Variants in ZNF385B observed in about 807,000 individuals in gnomAD.
ZNF385B encodes zinc finger protein 533.
ZNF385B carries 23 observed loss-of-function variants against 39.2 expected under a neutral mutation model. That is an observed-to-expected ratio of 0.59 (90% CI 0.42 to 0.83). The LOEUF is 0.83. Among genes scored for constraint, ZNF385B ranks in the 40% least tolerant of loss-of-function variants. ZNF385B has a pLI of 0.00. For missense variants in ZNF385B, 552 were observed against 598.9 expected, an observed-to-expected ratio of 0.92 and a Z score of 0.82; for synonymous variants, 205 against 222.6, an observed-to-expected ratio of 0.92 and a Z score of 0.70.
chr2:179,807,893 T>TGAAAGAAAGAAAGAAA (rs139866166), intron 1 of ZNF385B, among the ~76,000 whole-genome samples: 6,782 of 123,484 alleles, frequency 0.055, 248 homozygotes, highest in Admixed American at 0.074. Context: ...AGACTCCGTC[T>TGAAAGAAAGAAAGAAA]GAAAGAAAGA....
intron 4 of ZNF385B, among the ~76,000 whole-genome samples, chr2:179,540,547 C>T (rs74712075): frequency 6.6e-6 from 1 of 152,232 alleles, no homozygotes; most frequent in East Asian, 1.9e-4. Context: ...AACACTTGGG[C>T]TTATCGCCTG....
At chr2:179,808,177 C>T (rs887092003) in intron 1 of ZNF385B, among the ~76,000 whole-genome samples, 5 of 151,842 alleles carry the variant, frequency 3.3e-5, no homozygotes, top group Non-Finnish European at 7.4e-5. Context: ...GGACTACAGG[C>T]GCACGCCGCC....
intron 3 of ZNF385B, among the ~76,000 whole-genome samples, chr2:179,689,192 C>A (rs977839662): frequency 6.6e-6 from 1 of 152,168 alleles, no homozygotes; most frequent in African/African-American, 2.4e-5. Context: ...GAGGGAAACA[C>A]CTTTAGGACT....
chr2:179,533,672 T>C lies in ZNF385B; in HGVS notation c.441+11155A>G, dbSNP rs564596043. ...TAAGAGTCAAAGTTCAAGGGATTTT[T>C]GGAATAAATTTCTATTATCAATACA... On this transcript the variant is annotated intron_variant, in intron 4 of 9. Transcript: ENST00000410066. Among the ~76,000 whole-genome samples, 46 of 152,254 alleles carry C rather than the reference T, an allele frequency of 3.0e-4. No homozygotes were observed. In the South Asian group the frequency reaches 4.4e-3, roughly 14 times the overall value.
Position 179,446,737 on chromosome 2 carries a change from C to T in ZNF385B, c.749G>A (p.Ser250Asn), listed in dbSNP as rs757181258. 5 of 1,613,306 alleles carry T rather than the reference C, an allele frequency of 3.1e-6. No individual in the cohort carries two copies. In the East Asian group the frequency reaches 1.1e-4, roughly 36 times the overall value. Reference sequence around the variant, plus strand: ...GCCACTTTCAGAGCTTGATGGCTGACTGGAACTGCTGGCTTTTAACTTCCC... The same window carrying T: ...GCCACTTTCAGAGCTTGATGGCTGATTGGAACTGCTGGCTTTTAACTTCCC... Reference protein sequence around the residue: ...DKGKLKASSSSQPSSSESGSF... With the variant: ...DKGKLKASSSNQPSSSESGSF... The change falls in exon 7 of 10, where the codon AGT (serine) becomes AAT (asparagine). Residue 250 changes from serine to asparagine, a missense_variant. By Grantham distance (46) the Ser-to-Asn change is conservative. Transcript: ENST00000410066.
At chr2:179,598,844 C>T (rs552131739) in intron 3 of ZNF385B, among the ~76,000 whole-genome samples, 6 of 152,174 alleles carry the variant, frequency 3.9e-5, no homozygotes, top group African/African-American at 1.2e-4. Flanking sequence ...AAAGAATTTA[C>T]TAATTCTTAT....
At chr2:179,829,395 C>T (rs111324684) in intron 1 of ZNF385B, among the ~76,000 whole-genome samples, 7 of 152,294 alleles carry the variant, frequency 4.6e-5, no homozygotes, top group Non-Finnish European at 5.9e-5. Flanking sequence ...ATTGACCTTA[C>T]ACCTTTAACA....
intron 3 of ZNF385B, among the ~76,000 whole-genome samples, chr2:179,607,265 T>C (rs528224535): frequency 3.9e-5 from 6 of 152,216 alleles, no homozygotes; most frequent in Admixed American, 1.3e-4. Context: ...CTATCTTGAA[T>C]TGTAATCCCC....
intron 3 of ZNF385B, among the ~76,000 whole-genome samples, chr2:179,768,395 C>T (rs954273467): frequency 3.3e-5 from 5 of 152,150 alleles, no homozygotes; most frequent in Admixed American, 2.6e-4. Flanking sequence ...CTTTCTTTCA[C>T]AGCATGTTAA....
At chr2:179,764,166 G>A (rs189890255) in intron 3 of ZNF385B, among the ~76,000 whole-genome samples, 234 of 152,124 alleles carry the variant, frequency 1.5e-3, no homozygotes, top group Middle Eastern at 3.4e-3. Flanking sequence ...AGGATCATTA[G>A]GTCTTCCTGG....
At chr2:179,629,512 TTTTGGGG>T (rs1403989657) in intron 3 of ZNF385B, among the ~76,000 whole-genome samples, 3 of 152,180 alleles carry the variant, frequency 2.0e-5, no homozygotes, top group Non-Finnish European at 4.4e-5. Context: ...TCTAAACAAT[TTTTGGGG>T]TACCCTCTTT....
At chr2:179,449,589 A>G (rs1369751869) in intron 6 of ZNF385B, among the ~76,000 whole-genome samples, 3 of 152,192 alleles carry the variant, frequency 2.0e-5, no homozygotes, top group African/African-American at 2.4e-5. Flanking sequence ...CCACTGCTCA[A>G]TGAAATAAAA....
intron 5 of ZNF385B, among the ~76,000 whole-genome samples, chr2:179,493,847 G>A (rs75133963): frequency 0.12 from 15,951 of 130,098 alleles, 1,085 homozygotes; most frequent in Non-Finnish European, 0.17. Flanking sequence ...CATTCTAAAA[G>A]GAGGAATGTA....
At chr2:179,572,147 G>A (rs866808130) in intron 3 of ZNF385B, among the ~76,000 whole-genome samples, 4 of 152,062 alleles carry the variant, frequency 2.6e-5, no homozygotes, top group African/African-American at 7.2e-5. Context: ...GTGCTTCCAT[G>A]TTCTGGCAGA....
chr2:179,753,980 G>T (rs1702850203), intron 3 of ZNF385B, among the ~76,000 whole-genome samples: 1 of 152,176 alleles, frequency 6.6e-6, no homozygotes, highest in Non-Finnish European at 1.5e-5. Flanking sequence ...TTGAATAGGA[G>T]TGGTGAGAGA....
At chr2:179,669,916 T>C (rs3112935) in intron 3 of ZNF385B, among the ~76,000 whole-genome samples, 62,276 of 151,874 alleles carry the variant, frequency 0.41, 13,311 homozygotes, top group African/African-American at 0.53. Context: ...AAAGAAGAGA[T>C]AATGGTGGTG....
chr2:179,676,254 A>G (rs1389446245), intron 3 of ZNF385B, among the ~76,000 whole-genome samples: 1 of 151,698 alleles, frequency 6.6e-6, no homozygotes, highest in Admixed American at 6.6e-5. Flanking sequence ...ACACCCGGCT[A>G]ATTTTTTGTA....
chr2:179,592,682 T>C (rs985511488), intron 3 of ZNF385B, among the ~76,000 whole-genome samples: 3 of 152,186 alleles, frequency 2.0e-5, no homozygotes, highest in African/African-American at 7.2e-5. Flanking sequence ...TATTGTTTCA[T>C]GGTCCATATG....
chr2:179,841,804 T>G (rs987266736), intron 1 of ZNF385B, among the ~76,000 whole-genome samples: 2 of 152,190 alleles, frequency 1.3e-5, no homozygotes, highest in Non-Finnish European at 2.9e-5. Context: ...AAGAATCATT[T>G]GAGAAGATCC....
Sources: gnomAD v4.1 joint callset for allele counts (sites outside exome capture counted in the v4.1 genomes callset) on GRCh38, gnomAD v4.1.1 for gene constraint, MANE v1.5 for transcripts, NCBI Gene and HGNC (gene_info 2026-07-23, HGNC 2026-07-21) for gene names.